Variants in AFF1 observed in about 807,000 individuals in gnomAD.
The protein encoded by AFF1 is ALF transcription elongation factor 1.
A neutral mutation model predicts 121.7 loss-of-function variants in AFF1; 48 were observed. The ratio of observed to expected loss-of-function variants is 0.39; its 90% CI spans 0.31 to 0.50. The LOEUF (loss-of-function observed/expected upper bound fraction) is 0.50, where lower values mean the gene tolerates loss of function less well. Ranked by LOEUF, AFF1 falls within the 20% of genes least tolerant of loss-of-function variation. The probability of loss-of-function intolerance (pLI) is 0.76; values close to 1 mark genes in which losing one functional copy is unlikely to be tolerated. For missense variants in AFF1, 1,523 were observed against 1,511.7 expected (o/e 1.01, Z -0.12); for synonymous variants, 613 against 563.0 (o/e 1.09, Z -1.26).
chr4:87,002,502 G>T (rs1259022525), intron 2 of AFF1, among the ~76,000 whole-genome samples: 1 of 145,688 alleles, frequency 6.9e-6, no homozygotes, highest in African/African-American at 2.5e-5. Context: ...TGCGATCTCG[G>T]CTCACTGCAG....
chr4:86,947,818 T>TG (rs1491109161), intron 1 of AFF1, among the ~76,000 whole-genome samples: 1 of 56,648 alleles, frequency 1.8e-5, no homozygotes, highest in Non-Finnish European at 5.1e-5. Flanking sequence ...GGTTTTTGTT[T>TG]GTTTTTTTTT....
intron 2 of AFF1, among the ~76,000 whole-genome samples, chr4:86,963,424 A>C (rs1462441776): frequency 6.6e-6 from 1 of 152,134 alleles, no homozygotes; most frequent in Admixed American, 6.6e-5. Flanking sequence ...AACTGGTACC[A>C]TGGGGGAGGG....
chr4:87,047,767 G>A, intron 4 of AFF1, 173 bp downstream of exon 4: 1 of 877,182 alleles, frequency 1.1e-6, no homozygotes, highest in South Asian at 1.4e-5. Flanking sequence ...GATCTGAGAT[G>A]GACGACTGAT....
intron 2 of AFF1, among the ~76,000 whole-genome samples, chr4:87,017,437 G>A (rs1041841484): frequency 3.9e-5 from 6 of 151,928 alleles, no homozygotes; most frequent in East Asian, 1.9e-4. Flanking sequence ...TGGGCTTTTC[G>A]ATGAAGAAAT....
intron 4 of AFF1, among the ~76,000 whole-genome samples, chr4:87,061,811 A>G (rs971223154): frequency 2.6e-5 from 4 of 151,998 alleles, no homozygotes; most frequent in African/African-American, 7.3e-5. Flanking sequence ...CAAAAGACCT[A>G]TCTTTTCAGT....
At position 87,111,015 on chromosome 4, in the gene AFF1, T is replaced by A. The variant is rs1345814986; in HGVS notation, c.1533+2700T>A. ...TAAACTTTATTTTTTTTTTTTTATT[T>A]TTTTTTTTTTGAGACGGAGTCTCGC... On this transcript the variant is annotated intron_variant, in intron 11 of 20. Coordinates refer to ENST00000395146, the MANE Select transcript of AFF1 (RefSeq NM_001166693.3). Among the ~76,000 whole-genome samples the A allele has an allele frequency of 7.3e-5, 2 of 27,572 alleles. 1 individual carries two copies. Among genetic ancestry groups the A allele is most frequent in the Non-Finnish European group, 1.8e-4 (2 of 11,048 alleles). 18.1% of individuals were successfully genotyped at this position (27,572 alleles called of 152,430 possible).
At chr4:87,011,710 G>T (rs75573780) in intron 2 of AFF1, among the ~76,000 whole-genome samples, 2,843 of 152,248 alleles carry the variant, frequency 0.019, 91 homozygotes, top group African/African-American at 0.065. Flanking sequence ...CAGTGTCCTT[G>T]ACAGAAGAGA....
chr4:86,959,375 A>G (rs183623408), intron 2 of AFF1, among the ~76,000 whole-genome samples: 2 of 152,230 alleles, frequency 1.3e-5, no homozygotes, highest in Non-Finnish European at 1.5e-5. Flanking sequence ...TTACATTAAA[A>G]AAAGAAACCT....
At chr4:87,062,507 A>T (rs948987334) in intron 4 of AFF1, among the ~76,000 whole-genome samples, 1 of 152,082 alleles carries the variant, frequency 6.6e-6, no homozygotes, top group African/African-American at 2.4e-5. Context: ...GGAGTTATCG[A>T]TGCTTTTTTC....
intron 4 of AFF1, among the ~76,000 whole-genome samples, chr4:87,072,049 A>G (rs566868806): frequency 2.6e-5 from 4 of 152,124 alleles, no homozygotes; most frequent in Non-Finnish European, 2.9e-5. Context: ...TGGAGAGAAA[A>G]TAATATGAAT....
At chr4:87,070,807 A>G (rs1481252771) in intron 4 of AFF1, among the ~76,000 whole-genome samples, 1 of 152,250 alleles carries the variant, frequency 6.6e-6, no homozygotes, top group African/African-American at 2.4e-5. Context: ...TATGGTTCTC[A>G]TTAATTTATT....
intron 2 of AFF1, among the ~76,000 whole-genome samples, chr4:86,968,967 G>T (rs1254668710): frequency 6.6e-6 from 1 of 152,144 alleles, no homozygotes; most frequent in Non-Finnish European, 1.5e-5. Context: ...GTAATTGCTT[G>T]CTGGATTGTG....
At chr4:87,064,493 A>G (rs777406515) in intron 4 of AFF1, among the ~76,000 whole-genome samples, 1 of 152,220 alleles carries the variant, frequency 6.6e-6, no homozygotes, top group Non-Finnish European at 1.5e-5. Flanking sequence ...TGTAATCCCA[A>G]CACTTTGGGA....
At chr4:87,034,546 A>T (rs1729376529) in intron 2 of AFF1, among the ~76,000 whole-genome samples, 1 of 152,192 alleles carries the variant, frequency 6.6e-6, no homozygotes, top group Admixed American at 6.5e-5. Context: ...GAATCTGTTG[A>T]TTTAAAACTA....
intron 1 of AFF1, among the ~76,000 whole-genome samples, chr4:86,942,348 A>G (rs771973571): frequency 3.3e-5 from 5 of 152,232 alleles, no homozygotes; most frequent in Non-Finnish European, 7.3e-5. Context: ...ATGGTTACAC[A>G]GAATCAGGTG....
intron 2 of AFF1, among the ~76,000 whole-genome samples, chr4:86,978,024 G>A (rs1723435632): frequency 2.6e-5 from 4 of 152,122 alleles, no homozygotes; most frequent in Admixed American, 2.6e-4. Flanking sequence ...AATGGTTGCT[G>A]ATAGGTTTAA....
At chr4:86,985,931 A>G (rs1016850601) in intron 2 of AFF1, among the ~76,000 whole-genome samples, 1 of 83,284 alleles carries the variant, frequency 1.2e-5, no homozygotes, top group Non-Finnish European at 3.7e-5. Flanking sequence ...AAAGATTACC[A>G]CTAATTGATA....
chr4:87,057,013 G>A (rs148697483), intron 4 of AFF1, among the ~76,000 whole-genome samples: 1 of 152,338 alleles, frequency 6.6e-6, no homozygotes, highest in African/African-American at 2.4e-5. Flanking sequence ...GACTCAAGTA[G>A]TCTGGTTCCA....
Position 87,134,550 on chromosome 4 carries a change from G to T in AFF1, c.3391G>T (p.Val1131Leu). ...AGGGTCCCAGTCAAGTGCTGGCAGT[G>T]TGGGGAGCAGTGGGGTGGCTGCCAC... is the stretch of plus-strand genomic sequence containing the variant. ...SVGSQSSAGS[V>L]GSSGVAATIS... The change falls in exon 20 of 21, where the codon GTG becomes TTG. Residue 1131 changes from valine (V) to leucine (L), a missense_variant. Physicochemically the swap from Val to Leu is conservative, Grantham distance 32. Transcript: ENST00000395146. 1 of 1,614,124 alleles carries T rather than the reference G, an allele frequency of 6.2e-7. No individual in the cohort carries two copies. The highest frequency in any genetic ancestry group is 2.2e-5 in the East Asian group (1 of 44,882).
Sources: allele counts gnomAD v4.1 joint callset (sites outside exome capture counted in the v4.1 genomes callset), GRCh38; gene constraint gnomAD v4.1.1; transcripts MANE v1.5; gene names NCBI Gene and HGNC (gene_info 2026-07-23, HGNC 2026-07-21).